The following GAREM1 variants were observed in gnomAD, a reference collection of about 807,000 sequenced individuals.
GAREM1 encodes GRB2-associated and regulator of MAPK protein 1.
Under a neutral mutation model 71.3 loss-of-function variants are expected in GAREM1, and 26 were observed. The ratio of observed to expected loss-of-function variants is 0.36; its 90% CI spans 0.27 to 0.51. The LOEUF is 0.51. Among genes scored for constraint, GAREM1 ranks in the 20% least tolerant of loss-of-function variants. The probability of loss-of-function intolerance (pLI) is 0.95; values close to 1 mark genes in which losing one functional copy is unlikely to be tolerated. For missense variants in GAREM1, 1,026 were observed against 1,103.1 expected, an observed-to-expected ratio of 0.93 and a Z score of 0.99; for synonymous variants, 440 against 433.2, an observed-to-expected ratio of 1.02 and a Z score of -0.20.
chr18:32,428,320 G>A (rs979626361), intron 1 of GAREM1, among the ~76,000 whole-genome samples: 5 of 152,216 alleles, frequency 3.3e-5, no homozygotes, highest in Admixed American at 2.0e-4. Flanking sequence ...GATAGGGTTT[G>A]GATCTGTGTC....
intron 1 of GAREM1, among the ~76,000 whole-genome samples, chr18:32,436,522 CCT>C (rs1223480836): frequency 6.6e-6 from 1 of 152,086 alleles, no homozygotes; most frequent in African/African-American, 2.4e-5. Flanking sequence ...AGAAGCCAGC[CCT>C]CTGTCTGTTG....
In GAREM1 at chr18:32,263,684, C is replaced by G. The variant is rs1036744444; in HGVS notation, c.*4187G>C. The G allele has an allele frequency of 6.6e-6, 1 of 152,048 alleles. No homozygotes were observed. The highest frequency in any genetic ancestry group is 1.9e-4 in the East Asian group (1 of 5,194). 9.4% of individuals were successfully genotyped at this position (152,048 alleles called of 1,614,324 possible). A position where few individuals can be genotyped will look rare whatever the true frequency, so the allele number is the denominator to read the frequency against. ...CATTGTTAACTGGTAGTTAACAACCCAAGTTTTCCAAGCAAAGAAACTGTA... is the reference window on the plus strand; with the variant it reads ...CATTGTTAACTGGTAGTTAACAACCGAAGTTTTCCAAGCAAAGAAACTGTA... On this transcript the variant is annotated 3_prime_UTR_variant, in exon 6 of 6. Transcript: ENST00000269209.
intron 1 of GAREM1, among the ~76,000 whole-genome samples, chr18:32,453,775 A>G (rs1424434258): frequency 6.6e-6 from 1 of 152,124 alleles, no homozygotes; most frequent in East Asian, 1.9e-4. Context: ...CAGGACCCCC[A>G]TTCGATCAAC....
intron 1 of GAREM1, among the ~76,000 whole-genome samples, chr18:32,399,987 G>A (rs1446217655): frequency 6.6e-6 from 1 of 152,064 alleles, no homozygotes; most frequent in East Asian, 1.9e-4. Flanking sequence ...ATAGACCAAT[G>A]GAACAGAACA....
At chr18:32,339,885 A>G (rs2047632606) in intron 2 of GAREM1, among the ~76,000 whole-genome samples, 2 of 152,210 alleles carry the variant, frequency 1.3e-5, no homozygotes, top group Non-Finnish European at 1.5e-5. Context: ...AAGCTGTTCC[A>G]GCTGCTCCAT....
chr18:32,297,250 A>G (rs894612785), intron 3 of GAREM1, among the ~76,000 whole-genome samples: 6 of 152,226 alleles, frequency 3.9e-5, no homozygotes, highest in Non-Finnish European at 7.3e-5. Context: ...CAATACTATC[A>G]GCTAAACTAC....
chr18:32,278,432 T>C (rs2144437731), intron 4 of GAREM1, among the ~76,000 whole-genome samples: 1 of 152,350 alleles, frequency 6.6e-6, no homozygotes, highest in East Asian at 1.9e-4. Context: ...GATCGTTTTG[T>C]TTCCATATTG....
At position 32,267,530 on chromosome 18, in the gene GAREM1, C is replaced by G; in HGVS notation, c.*341G>C. 2 of 147,666 alleles carry G rather than the reference C, an allele frequency of 1.4e-5. No individual in the cohort carries two copies. Among genetic ancestry groups the G allele is most frequent in the Non-Finnish European group, 1.4e-5 (1 of 69,942 alleles). The allele number at this position is 147,666 out of a possible 1,614,324, so 9.1% of individuals were successfully genotyped here. A position where few individuals can be genotyped will look rare whatever the true frequency, so the allele number is the denominator to read the frequency against. On this transcript the variant is annotated 3_prime_UTR_variant, in exon 6 of 6. Transcript: ENST00000269209. ...TTTTTTTTTTTAAAGATTTTTATGT[C>G]TTCCAGCTTTGGCTATTTTGTAATA...
intron 2 of GAREM1, among the ~76,000 whole-genome samples, chr18:32,337,046 A>C (rs936640644): frequency 6.6e-6 from 1 of 152,190 alleles, no homozygotes; most frequent in African/African-American, 2.4e-5. Flanking sequence ...TTATTTTATA[A>C]CATCAGCTCT....
intron 1 of GAREM1, among the ~76,000 whole-genome samples, chr18:32,429,248 T>C (rs73958422): frequency 6.6e-6 from 1 of 152,182 alleles, no homozygotes; most frequent in Non-Finnish European, 1.5e-5. Context: ...TCTACACTAT[T>C]AGGTTTTTAT....
At chr18:32,395,221 CA>C (rs1322717836) in intron 1 of GAREM1, among the ~76,000 whole-genome samples, 1 of 152,174 alleles carries the variant, frequency 6.6e-6, no homozygotes, top group Non-Finnish European at 1.5e-5. Flanking sequence ...CCTTGAAAAA[CA>C]CTGACAATAA....
At chr18:32,418,618 T>C (rs761902242) in intron 1 of GAREM1, among the ~76,000 whole-genome samples, 1 of 152,134 alleles carries the variant, frequency 6.6e-6, no homozygotes, top group African/African-American at 2.4e-5. Flanking sequence ...ACTGAGAGGC[T>C]AAGGCCTTTC....
intron 2 of GAREM1, among the ~76,000 whole-genome samples, chr18:32,338,732 G>A (rs966599201): frequency 1.3e-5 from 2 of 152,194 alleles, no homozygotes; most frequent in African/African-American, 4.8e-5. Context: ...CAGCATTGCA[G>A]AGCTTTCCTG....
Position 32,267,650 on chromosome 18 carries a change from T to G in GAREM1, c.*221A>C. The G allele has an allele frequency of 2.2e-6, 1 of 444,656 alleles. No individual in the cohort carries two copies. The highest frequency in any genetic ancestry group is 5.9e-5 in the South Asian group (1 of 17,058). The allele number at this position is 444,656 out of a possible 1,614,324, so 27.5% of individuals were successfully genotyped here. A position where few individuals can be genotyped will look rare whatever the true frequency, so the allele number is the denominator to read the frequency against. ...TAGCAGCTGCTGAGTGTTTGTTGAG[T>G]GACGTACAAGGCACACCTCCAAGTG... On this transcript the variant is annotated 3_prime_UTR_variant, in exon 6 of 6. Transcript: ENST00000269209.
At chr18:32,284,081 A>G (rs2046983191) in intron 4 of GAREM1, among the ~76,000 whole-genome samples, 2 of 152,190 alleles carry the variant, frequency 1.3e-5, no homozygotes, top group Admixed American at 6.6e-5. Context: ...TTTATGCCCC[A>G]TTAAAGTTCC....
At chr18:32,460,512 G>A (rs1254500711) in intron 1 of GAREM1, among the ~76,000 whole-genome samples, 1 of 152,090 alleles carries the variant, frequency 6.6e-6, no homozygotes, top group Non-Finnish European at 1.5e-5. Flanking sequence ...AAGGAGCTTG[G>A]GAACACTGTT....
chr18:32,419,920 T>C (rs1348764689), intron 1 of GAREM1, among the ~76,000 whole-genome samples: 7 of 152,128 alleles, frequency 4.6e-5, no homozygotes, highest in Admixed American at 4.6e-4. Flanking sequence ...ATTTATACTT[T>C]GAGATATTAT....
At chr18:32,463,160 A>G (rs1343748611) in intron 1 of GAREM1, among the ~76,000 whole-genome samples, 3 of 152,184 alleles carry the variant, frequency 2.0e-5, no homozygotes, top group Admixed American at 1.3e-4. Flanking sequence ...TAATGTGTAC[A>G]TATACTGAAA....
At chr18:32,378,438 T>A (rs2048060390) in intron 2 of GAREM1, among the ~76,000 whole-genome samples, 1 of 149,990 alleles carries the variant, frequency 6.7e-6, no homozygotes, top group Non-Finnish European at 1.5e-5. Flanking sequence ...AGGGGGAGGT[T>A]GCAGTGAACT....
Sources: allele counts gnomAD v4.1 joint callset (sites outside exome capture counted in the v4.1 genomes callset), GRCh38; gene constraint gnomAD v4.1.1; transcripts MANE v1.5; gene names NCBI Gene and HGNC (gene_info 2026-07-23, HGNC 2026-07-21).